Variants in SDC2 observed in about 807,000 individuals in gnomAD.
The protein encoded by SDC2 is syndecan 2, also known as syndecan-2.
Under a neutral mutation model 22.2 loss-of-function variants are expected in SDC2, and 13 were observed. The ratio of observed to expected loss-of-function variants is 0.59; its 90% CI spans 0.38 to 0.93. The LOEUF (loss-of-function observed/expected upper bound fraction) is 0.93. Among genes scored for constraint, SDC2 ranks in the 40% least tolerant of loss-of-function variants. SDC2 has a pLI of 0.00. For synonymous variants in SDC2, 94 were observed against 92.8 expected, an observed-to-expected ratio of 1.01 and a Z score of -0.07; for missense variants, 235 against 246.8, an observed-to-expected ratio of 0.95 and a Z score of 0.32.
intron 1 of SDC2, among the ~76,000 whole-genome samples, chr8:96,557,806 G>C (rs1021998350): frequency 2.0e-5 from 3 of 152,078 alleles, no homozygotes; most frequent in African/African-American, 7.2e-5. Context: ...ACCACTTCTT[G>C]CTGAACAGTA....
chr8:96,589,184 G>A (rs1229398040), intron 1 of SDC2, among the ~76,000 whole-genome samples: 1 of 152,038 alleles, frequency 6.6e-6, no homozygotes, highest in East Asian at 1.9e-4. Context: ...AATCACCATC[G>A]CTGTCCTCAA....
intron 1 of SDC2, among the ~76,000 whole-genome samples, chr8:96,546,810 G>A (rs190815568): frequency 3.3e-5 from 5 of 152,302 alleles, no homozygotes; most frequent in South Asian, 2.1e-4. Context: ...TTAAAGATCC[G>A]TCAGAACGGT....
intron 1 of SDC2, among the ~76,000 whole-genome samples, chr8:96,553,990 A>G (rs889351808): frequency 6.6e-6 from 1 of 151,970 alleles, no homozygotes; most frequent in Non-Finnish European, 1.5e-5. Flanking sequence ...GGGTTTCACC[A>G]TGTTGCCCAG....
chr8:96,514,026 C>T (rs560185469), intron 1 of SDC2, among the ~76,000 whole-genome samples: 1 of 152,232 alleles, frequency 6.6e-6, no homozygotes, highest in East Asian at 1.9e-4. Flanking sequence ...ATTTCCTTTC[C>T]TGATAACTTG....
At chr8:96,568,882 C>G (rs1347815880) in intron 1 of SDC2, among the ~76,000 whole-genome samples, 1 of 152,154 alleles carries the variant, frequency 6.6e-6, no homozygotes, top group Admixed American at 6.5e-5. Flanking sequence ...GAGTGCAATG[C>G]AGGTGAGCAG....
intron 1 of SDC2, among the ~76,000 whole-genome samples, chr8:96,554,930 G>A (rs1814085479): frequency 6.6e-6 from 1 of 152,120 alleles, no homozygotes; most frequent in African/African-American, 2.4e-5. Context: ...TTTCTTTGCA[G>A]AAGCTGCTCT....
intron 1 of SDC2, among the ~76,000 whole-genome samples, chr8:96,516,571 T>G: frequency 6.6e-6 from 1 of 152,122 alleles, no homozygotes; most frequent in South Asian, 2.1e-4. Context: ...CTGTACCCAT[T>G]TGCAGTCACT....
chr8:96,538,107 C>T lies in SDC2; in HGVS notation c.60+43776C>T, dbSNP rs773057248. ...CCTCCTGAGTAGCTGGGATTACAGG[C>T]GCACACCACCACGCCCGGCTAATTT... is the stretch of plus-strand genomic sequence containing the variant. On this transcript the variant is annotated intron_variant, in intron 1 of 4. Transcript: ENST00000302190. 4.6e-5 allele frequency among the ~76,000 whole-genome samples: 7 copies of T among 152,110 alleles called. No homozygotes were observed. The East Asian group carries it at 5.8e-4, about 13-fold the overall frequency.
rs553794186 is a variant in SDC2, at chr8:96,507,120, C to T, written c.60+12789C>T. On this transcript the variant is annotated intron_variant, in intron 1 of 4. Coordinates refer to ENST00000302190, the MANE Select transcript of SDC2 (RefSeq NM_002998.4). Reference sequence around the variant, plus strand: ...TTTGCTTTTTTAGTTTTTGTAACAACGGATTTTAGAGCTGGAATGGACTTT... The same window carrying T: ...TTTGCTTTTTTAGTTTTTGTAACAATGGATTTTAGAGCTGGAATGGACTTT... Among the ~76,000 whole-genome samples the T allele has an allele frequency of 6.6e-5, 10 of 151,604 alleles. No individual in the cohort carries two copies. In the East Asian group the frequency reaches 7.8e-4, roughly 12 times the overall value.
At chr8:96,562,948 T>A (rs1376804260) in intron 1 of SDC2, among the ~76,000 whole-genome samples, 1 of 151,858 alleles carries the variant, frequency 6.6e-6, no homozygotes, top group African/African-American at 2.4e-5. Context: ...TTCCTGACAA[T>A]ATTTCCTAAC....
chr8:96,602,137 A>G (rs1470787552), intron 2 of SDC2, among the ~76,000 whole-genome samples: 1 of 152,208 alleles, frequency 6.6e-6, no homozygotes. Context: ...GAAAAGGAAC[A>G]TGCAAGTGAA....
intron 1 of SDC2, among the ~76,000 whole-genome samples, chr8:96,583,685 ATGTGTGTG>A (rs3064977): frequency 4.9e-5 from 7 of 142,616 alleles, no homozygotes; most frequent in African/African-American, 1.9e-4. Flanking sequence ...TTTGAAATAT[ATGTGTGTG>A]TGTGTGTGTG....
At chr8:96,579,203 A>G (rs1220274667) in intron 1 of SDC2, among the ~76,000 whole-genome samples, 1 of 152,226 alleles carries the variant, frequency 6.6e-6, no homozygotes, top group Non-Finnish European at 1.5e-5. Flanking sequence ...TATGTATGGC[A>G]TTTTAATAAA....
chr8:96,555,849 A>G (rs1163088078), intron 1 of SDC2, among the ~76,000 whole-genome samples: 2 of 152,176 alleles, frequency 1.3e-5, no homozygotes, highest in Non-Finnish European at 2.9e-5. Context: ...ATACAAACCC[A>G]CATTTTAAAC....
At chr8:96,597,534 A>G (rs1376161979) in intron 2 of SDC2, among the ~76,000 whole-genome samples, 1 of 152,212 alleles carries the variant, frequency 6.6e-6, no homozygotes, top group Non-Finnish European at 1.5e-5. Flanking sequence ...AACTTGTAAC[A>G]TGAGAGAAAG....
At chr8:96,560,457 ATTATT>A (rs1274286135) in intron 1 of SDC2, among the ~76,000 whole-genome samples, 16 of 152,214 alleles carry the variant, frequency 1.1e-4, no homozygotes, top group Admixed American at 1.0e-3. Context: ...ATGTAACTGA[ATTATT>A]TTATTAAATG....
chr8:96,571,285 G>A (rs1814389840), intron 1 of SDC2, among the ~76,000 whole-genome samples: 1 of 152,146 alleles, frequency 6.6e-6, no homozygotes, highest in African/African-American at 2.4e-5. Flanking sequence ...CAAAAGGCTT[G>A]AGGGAAGCAT....
intron 1 of SDC2, among the ~76,000 whole-genome samples, chr8:96,571,374 G>A (rs1456576311): frequency 6.6e-6 from 1 of 152,182 alleles, no homozygotes; most frequent in Non-Finnish European, 1.5e-5. Context: ...ATGAAGTTAG[G>A]ATGGAAAGGG....
intron 1 of SDC2, among the ~76,000 whole-genome samples, chr8:96,527,991 A>G (rs903229231): frequency 1.7e-4 from 26 of 152,230 alleles, no homozygotes; most frequent in African/African-American, 4.8e-4. Flanking sequence ...CTGATAAAAG[A>G]TGATGATGTG....
Sources: allele counts gnomAD v4.1 joint callset (sites outside exome capture counted in the v4.1 genomes callset), GRCh38; gene constraint gnomAD v4.1.1; transcripts MANE v1.5; gene names NCBI Gene and HGNC (gene_info 2026-07-23, HGNC 2026-07-21).